The following MATN2 variants were observed in gnomAD, a reference collection of about 807,000 sequenced individuals.
MATN2 encodes the protein matrilin-2.
Under a neutral mutation model 103.2 loss-of-function variants are expected in MATN2, and 69 were observed. The ratio of observed to expected loss-of-function variants is 0.67; its 90% CI spans 0.55 to 0.82. The LOEUF (loss-of-function observed/expected upper bound fraction) is 0.82. MATN2 is among the 40% of genes least tolerant of loss of function. The pLI, the probability that MATN2 is intolerant of heterozygous loss-of-function variation, is 0.00. For missense variants in MATN2, 1,023 were observed against 1,211.5 expected (o/e 0.84, Z 2.31); for synonymous variants, 429 against 450.2 (o/e 0.95, Z 0.60).
At chr8:97,998,755 T>C (rs1812687754) in intron 7 of MATN2, among the ~76,000 whole-genome samples, 1 of 151,978 alleles carries the variant, frequency 6.6e-6, no homozygotes, top group African/African-American at 2.4e-5. Flanking sequence ...GACATAAAAA[T>C]TGTATACTTG....
intron 6 of MATN2, among the ~76,000 whole-genome samples, chr8:97,988,053 T>G (rs1586127056): frequency 1.3e-5 from 2 of 148,862 alleles, no homozygotes; most frequent in South Asian, 4.2e-4. Flanking sequence ...GCATGGTGGA[T>G]CATGCCTGTA....
At chr8:97,943,448 ACCTCCTCCTCCT>A (rs376896350) in intron 4 of MATN2, among the ~76,000 whole-genome samples, 1 of 125,282 alleles carries the variant, frequency 8.0e-6, no homozygotes, top group Non-Finnish European at 1.7e-5. Flanking sequence ...CTCCTCCTCC[ACCTCCTCCTCCT>A]CCTCCTTCTT....
chr8:97,964,013 G>C (rs1294830349), intron 5 of MATN2, among the ~76,000 whole-genome samples: 1 of 152,186 alleles, frequency 6.6e-6, no homozygotes, highest in African/African-American at 2.4e-5. Flanking sequence ...TAATGGCTAG[G>C]CTGGAAGATC....
intron 4 of MATN2, among the ~76,000 whole-genome samples, chr8:97,952,835 A>G (rs1409144296): frequency 1.3e-5 from 2 of 151,914 alleles, no homozygotes; most frequent in African/African-American, 2.4e-5. Context: ...GTATCACTTC[A>G]ATTTAGCATA....
chr8:97,899,183 C>T (rs1818906976), intron 2 of MATN2, among the ~76,000 whole-genome samples: 1 of 152,136 alleles, frequency 6.6e-6, no homozygotes. Flanking sequence ...CTATTGCATT[C>T]CCATGGAGTG....
intron 6 of MATN2, among the ~76,000 whole-genome samples, chr8:97,984,725 C>T (rs1186131989): frequency 6.6e-6 from 1 of 152,154 alleles, no homozygotes; most frequent in African/African-American, 2.4e-5. Flanking sequence ...ACCTTTTATT[C>T]ATTCCACAAA....
intron 5 of MATN2, among the ~76,000 whole-genome samples, chr8:97,967,876 T>C (rs1811537245): frequency 6.6e-6 from 1 of 152,228 alleles, no homozygotes; most frequent in South Asian, 2.1e-4. Context: ...CAACCCTACA[T>C]TTCCCTTTGG....
At chr8:97,973,744 A>AT (rs1380447342) in intron 5 of MATN2, among the ~76,000 whole-genome samples, 2 of 151,772 alleles carry the variant, frequency 1.3e-5, no homozygotes, top group Admixed American at 6.6e-5. Flanking sequence ...TAATTTTTGT[A>AT]TTTTTTGTAG....
intron 2 of MATN2, among the ~76,000 whole-genome samples, chr8:97,900,942 C>A (rs1048663586): frequency 6.6e-6 from 1 of 151,814 alleles, no homozygotes; most frequent in Non-Finnish European, 1.5e-5. Context: ...CCCCGCCCCC[C>A]CAAAAAAAGA....
intron 2 of MATN2, among the ~76,000 whole-genome samples, chr8:97,889,483 AT>A: frequency 9.2e-6 from 1 of 108,384 alleles, no homozygotes; most frequent in South Asian, 3.0e-4. Flanking sequence ...ATATATATAT[AT>A]ATATAAAACT....
At position 98,035,732 on chromosome 8, in the gene MATN2, A is replaced by G; in HGVS notation, c.*20A>G. The G allele has an allele frequency of 2.6e-6, 4 of 1,559,348 alleles. No homozygotes were observed. The highest frequency in any genetic ancestry group is 3.5e-6 in the Non-Finnish European group (4 of 1,137,966). Reference sequence around the variant, plus strand: ...AGATGAAGATTAGAAATCGCGACACATTTGTAGTCATTGTATCACGGATTA... The same window carrying G: ...AGATGAAGATTAGAAATCGCGACACGTTTGTAGTCATTGTATCACGGATTA... On this transcript the variant is annotated 3_prime_UTR_variant, in exon 19 of 19. Coordinates refer to ENST00000254898, the MANE Select transcript of MATN2 (RefSeq NM_002380.5).
intron 4 of MATN2, among the ~76,000 whole-genome samples, chr8:97,944,267 T>G (rs1401433408): frequency 6.6e-6 from 1 of 152,148 alleles, no homozygotes; most frequent in Non-Finnish European, 1.5e-5. Context: ...CTGCCACACT[T>G]TGAGATTCAC....
intron 6 of MATN2, among the ~76,000 whole-genome samples, chr8:97,985,339 C>T (rs1812157459): frequency 6.6e-6 from 1 of 152,186 alleles, no homozygotes; most frequent in African/African-American, 2.4e-5. Flanking sequence ...AGGGATTCCC[C>T]ACCATGACCC....
rs116958875 is a variant in MATN2, at chr8:97,876,864, T to G, written c.-27+7577T>G. Among the ~76,000 whole-genome samples, 146 of 152,336 alleles carry G rather than the reference T, an allele frequency of 9.6e-4. 1 individual carries two copies. In the East Asian group the frequency reaches 0.022, roughly 23 times the overall value. ...CATTTTTGAATGTTATTTTGTTCAA[T>G]GTTATATTTGTAAATTTCTCATGTA... On this transcript the variant is annotated intron_variant, in intron 1 of 18. Coordinates refer to ENST00000254898, the MANE Select transcript of MATN2 (RefSeq NM_002380.5).
At position 97,912,138 on chromosome 8, in the gene MATN2, C is replaced by T. The variant is rs189443833; in HGVS notation, c.143-18815C>T. On this transcript the variant is annotated intron_variant, in intron 2 of 18. Transcript: ENST00000254898. ...CCTTTATGTAACAGGGAAATTGAATCCAGTCGTTCAAGTCCTTTTTCAGCC... is the reference window on the plus strand; with the variant it reads ...CCTTTATGTAACAGGGAAATTGAATTCAGTCGTTCAAGTCCTTTTTCAGCC... Among the ~76,000 whole-genome samples the T allele has an allele frequency of 1.8e-3, 274 of 152,326 alleles. 9 individuals carry two copies. Among genetic ancestry groups the T allele is most frequent in the Admixed American group, 0.018 (271 of 15,300 alleles).
intron 2 of MATN2, among the ~76,000 whole-genome samples, chr8:97,914,268 G>A (rs1809546320): frequency 6.6e-6 from 1 of 151,888 alleles, no homozygotes; most frequent in Admixed American, 6.6e-5. Flanking sequence ...TGAAGTCTGG[G>A]CTGTCAGGAA....
intron 14 of MATN2, 53 bp downstream of exon 14, chr8:98,027,882 A>C: frequency 6.7e-7 from 1 of 1,497,620 alleles, no homozygotes; most frequent in Non-Finnish European, 8.9e-7. Context: ...GGTTTCTTAA[A>C]CTCACTCAGT....
chr8:98,025,986 T>C (rs1410317305), intron 13 of MATN2, among the ~76,000 whole-genome samples: 1 of 151,780 alleles, frequency 6.6e-6, no homozygotes, highest in Non-Finnish European at 1.5e-5. Context: ...AAGACCAGCC[T>C]AGCCAACATG....
At chr8:97,901,498 C>G (rs1164762806) in intron 2 of MATN2, among the ~76,000 whole-genome samples, 2 of 152,186 alleles carry the variant, frequency 1.3e-5, no homozygotes, top group African/African-American at 4.8e-5. Flanking sequence ...GGTGATCCAC[C>G]CACCTTGACC....
Sources: allele counts gnomAD v4.1 joint callset (sites outside exome capture counted in the v4.1 genomes callset), GRCh38; gene constraint gnomAD v4.1.1; transcripts MANE v1.5; gene names NCBI Gene and HGNC (gene_info 2026-07-23, HGNC 2026-07-21).